RNF130: variants seen among roughly 807,000 people sequenced by gnomAD.
RNF130 encodes E3 ubiquitin-protein ligase RNF130.
Under a neutral mutation model 44.6 loss-of-function variants are expected in RNF130, and 21 were observed. The ratio of observed to expected loss-of-function variants is 0.47; its 90% CI spans 0.33 to 0.68. RNF130 has a LOEUF of 0.68. RNF130 is among the 30% of genes least tolerant of loss of function. The pLI, the probability that RNF130 is intolerant of heterozygous loss-of-function variation, is 0.02. For synonymous variants in RNF130, 214 were observed against 210.4 expected (o/e 1.02, Z -0.15); for missense variants, 479 against 560.6 (o/e 0.85, Z 1.47).
At chr5:180,010,212 A>C (rs1355542157) in intron 3 of RNF130, among the ~76,000 whole-genome samples, 5 of 125,912 alleles carry the variant, frequency 4.0e-5, no homozygotes, top group African/African-American at 6.2e-5. Flanking sequence ...CAGCCGCTGC[A>C]CTCCAGCCTC....
chr5:180,001,567 T>C (rs1199341937), intron 3 of RNF130, among the ~76,000 whole-genome samples: 4 of 152,152 alleles, frequency 2.6e-5, no homozygotes, highest in Admixed American at 1.3e-4. Flanking sequence ...TTCTGGAAGT[T>C]TGGGTCAAGG....
chr5:180,055,008 T>C (rs1005734672), intron 1 of RNF130, among the ~76,000 whole-genome samples: 1 of 152,108 alleles, frequency 6.6e-6, no homozygotes, highest in African/African-American at 2.4e-5. Flanking sequence ...CTAAATGTAT[T>C]TGAGTTTTTA....
intron 7 of RNF130, chr5:179,933,693 T>C (rs951797482): frequency 1.2e-5 from 4 of 322,604 alleles, no homozygotes; most frequent in African/African-American, 8.9e-5. Context: ...GGCTAATTTT[T>C]TCTACTTTTT....
At chr5:180,004,137 ATTTGCAAT>A (rs1351383627) in intron 3 of RNF130, among the ~76,000 whole-genome samples, 1 of 152,166 alleles carries the variant, frequency 6.6e-6, no homozygotes, top group Non-Finnish European at 1.5e-5. Flanking sequence ...GATCTTGGAA[ATTTGCAAT>A]TTTAAAAAGT....
At chr5:179,946,076 C>T (rs1290339444) in intron 7 of RNF130, among the ~76,000 whole-genome samples, 1 of 152,238 alleles carries the variant, frequency 6.6e-6, no homozygotes, top group Non-Finnish European at 1.5e-5. Context: ...CTCCAAGGGA[C>T]TTTTCAAATG....
chr5:179,913,545 A>T (rs1171905529), exon 8 of RNF130: 1 of 152,268 alleles, frequency 6.6e-6, no homozygotes, highest in Admixed American at 6.5e-5. Flanking sequence ...GCATAAGAGC[A>T]TCACCCTTTC....
Position 180,041,484 on chromosome 5 carries a change from C to A in RNF130, c.248-837G>T, listed in dbSNP as rs778887338. ...TCAGAGTAAGCGCCTCAATTTTTCA[C>A]TCTGCACATATGGCCATCATGGTTC... On this transcript the variant is annotated intron_variant, in intron 1 of 8. Transcript: ENST00000521389. Among the ~76,000 whole-genome samples the A allele has an allele frequency of 5.3e-5, 8 of 152,210 alleles. No individual in the cohort carries two copies. The South Asian group carries it at 1.7e-3, about 31-fold the overall frequency.
downstream of RNF130, among the ~76,000 whole-genome samples, chr5:179,950,364 G>A (rs981168038): frequency 2.4e-4 from 37 of 152,230 alleles, no homozygotes; most frequent in African/African-American, 8.4e-4. Flanking sequence ...TGATCCACTT[G>A]CCTCAGCCTC....
chr5:180,058,876 G>A (rs531321369), intron 1 of RNF130, among the ~76,000 whole-genome samples: 1 of 152,270 alleles, frequency 6.6e-6, no homozygotes, highest in Admixed American at 6.5e-5. Context: ...AATGGGTATA[G>A]AGTTTCCATT....
At chr5:179,932,324 C>A (rs1467426129) in intron 7 of RNF130, among the ~76,000 whole-genome samples, 1 of 152,096 alleles carries the variant, frequency 6.6e-6, no homozygotes, top group Non-Finnish European at 1.5e-5. Context: ...GTGGTGCAAT[C>A]TCAGCTCACT....
intron 7 of RNF130, among the ~76,000 whole-genome samples, chr5:179,931,065 T>C (rs1416750826): frequency 2.8e-5 from 4 of 142,328 alleles, no homozygotes; most frequent in African/African-American, 1.1e-4. Flanking sequence ...AAATCAAGAA[T>C]AGGTGTTGAA....
intron 3 of RNF130, among the ~76,000 whole-genome samples, chr5:180,002,975 C>T (rs1763379922): frequency 6.6e-6 from 1 of 151,976 alleles, no homozygotes; most frequent in East Asian, 1.9e-4. Flanking sequence ...AATCTCATTG[C>T]TTCCATTCTG....
intron 3 of RNF130, among the ~76,000 whole-genome samples, chr5:180,009,554 CA>C (rs1163569408): frequency 2.6e-5 from 4 of 152,176 alleles, no homozygotes; most frequent in African/African-American, 9.7e-5. Context: ...ACTCAACAAT[CA>C]CAAGAGATGA....
Position 180,059,931 on chromosome 5 carries a change from A to G in RNF130, c.247+11525T>C, listed in dbSNP as rs1345699974. Among the ~76,000 whole-genome samples the G allele has an allele frequency of 3.3e-5, 5 of 152,236 alleles. No individual in the cohort carries two copies. The South Asian group carries it at 6.2e-4, about 19-fold the overall frequency. On this transcript the variant is annotated intron_variant, in intron 1 of 8. Transcript: ENST00000521389. ...GGGGGAACTAGGTTGCAGATGAAAC[A>G]AGGTTGATCATCGGCTGACTTTACA...
chr5:180,029,559 CA>C (rs1409514141), intron 2 of RNF130, among the ~76,000 whole-genome samples: 1 of 152,186 alleles, frequency 6.6e-6, no homozygotes, highest in African/African-American at 2.4e-5. Flanking sequence ...AACAAAATGG[CA>C]TTTTTACTAA....
At chr5:179,968,244 G>A (rs942670457) in intron 6 of RNF130, among the ~76,000 whole-genome samples, 3 of 152,100 alleles carry the variant, frequency 2.0e-5, no homozygotes, top group South Asian at 2.1e-4. Context: ...GCGGTGAGCC[G>A]AGATCGCACC....
At chr5:180,014,372 G>A (rs1222937238) in intron 2 of RNF130, among the ~76,000 whole-genome samples, 2 of 152,132 alleles carry the variant, frequency 1.3e-5, no homozygotes, top group Admixed American at 6.5e-5. Context: ...TGAAGCTGCC[G>A]GTGGCAACAT....
At chr5:179,978,404 A>C in intron 4 of RNF130, 119 bp from the exon 5 acceptor site, 1 of 623,474 alleles carries the variant, frequency 1.6e-6, no homozygotes, top group Non-Finnish European at 2.8e-6. Context: ...ATAAACTGAA[A>C]AATGATTAAA....
At chr5:180,010,300 G>A (rs889352934) in intron 3 of RNF130, among the ~76,000 whole-genome samples, 3 of 150,198 alleles carry the variant, frequency 2.0e-5, no homozygotes, top group Non-Finnish European at 4.4e-5. Flanking sequence ...TGCTGAGTGA[G>A]GAAGTGAAGA....
Sources: allele counts gnomAD v4.1 joint callset (sites outside exome capture counted in the v4.1 genomes callset), GRCh38; gene constraint gnomAD v4.1.1; transcripts MANE v1.5; gene names NCBI Gene and HGNC (gene_info 2026-07-23, HGNC 2026-07-21).